HEMK2: variants seen among roughly 807,000 people sequenced by gnomAD.
The protein encoded by HEMK2 is HemK methyltransferase 2, ETF1 glutamine and histone H4 lysine.
the HEMK2 span, among the ~76,000 whole-genome samples, chr21:28,838,972 A>ATATATATATATATATAT: frequency 3.4e-5 from 1 of 29,158 alleles, no homozygotes; most frequent in Non-Finnish European, 5.6e-5. Context: ...AAAAAAAAAA[A>ATATATATATATATATAT]ATATATATAT....
chr21:28,835,453 C>T, the HEMK2 span, among the ~76,000 whole-genome samples: 1 of 152,174 alleles, frequency 6.6e-6, no homozygotes, highest in Non-Finnish European at 1.5e-5. Context: ...GAGAGTACTA[C>T]ATCAAGGGAA....
chr21:28,662,447 G>A, the HEMK2 span, among the ~76,000 whole-genome samples: 1 of 152,120 alleles, frequency 6.6e-6, no homozygotes, highest in African/African-American at 2.4e-5. Context: ...TCAGAGTCCA[G>A]GTCCAGGCAC....
chr21:28,862,677 C>T, the HEMK2 span, among the ~76,000 whole-genome samples: 1 of 152,086 alleles, frequency 6.6e-6, no homozygotes, highest in Non-Finnish European at 1.5e-5. Flanking sequence ...TCATCAGTAC[C>T]AGCTACGACC....
chr21:28,625,600 A>G, the HEMK2 span, among the ~76,000 whole-genome samples: 2 of 151,952 alleles, frequency 1.3e-5, no homozygotes, highest in African/African-American at 4.8e-5. Context: ...AATCTCAGCT[A>G]CTCCAGAGGC....
the HEMK2 span, among the ~76,000 whole-genome samples, chr21:28,665,924 T>A: frequency 0.18 from 27,946 of 151,798 alleles, 2,775 homozygotes; most frequent in East Asian, 0.38. Context: ...GTCCATTTTT[T>A]AAAAAAAATA....
the HEMK2 span, among the ~76,000 whole-genome samples, chr21:28,832,465 T>A: frequency 2.0e-5 from 3 of 152,226 alleles, no homozygotes; most frequent in Non-Finnish European, 4.4e-5. Context: ...TTGAAATACT[T>A]TAACTCTTTT....
the HEMK2 span, among the ~76,000 whole-genome samples, chr21:28,878,496 T>G: frequency 6.6e-6 from 1 of 152,254 alleles, no homozygotes; most frequent in African/African-American, 2.4e-5. Context: ...TTTTCTAGTG[T>G]GTAACCTTGG....
the HEMK2 span, among the ~76,000 whole-genome samples, chr21:28,824,005 T>C: frequency 1.3e-5 from 2 of 152,148 alleles, no homozygotes; most frequent in Admixed American, 1.3e-4. Context: ...GGGGCTAAAT[T>C]TGCATTTTTT....
chr21:28,818,831 T>G, the HEMK2 span, among the ~76,000 whole-genome samples: 1 of 152,204 alleles, frequency 6.6e-6, no homozygotes, highest in Non-Finnish European at 1.5e-5. Context: ...CCCCAAATCA[T>G]GTCGGATCAT....
At chr21:28,838,822 C>T in the HEMK2 span, among the ~76,000 whole-genome samples, 5 of 149,406 alleles carry the variant, frequency 3.3e-5, no homozygotes, top group Non-Finnish European at 4.5e-5. Context: ...GCCTGTAATC[C>T]CAGCTACTCG....
At chr21:28,596,427 A>G in the HEMK2 span, among the ~76,000 whole-genome samples, 1 of 152,324 alleles carries the variant, frequency 6.6e-6, no homozygotes, top group African/African-American at 2.4e-5. Flanking sequence ...TAACACATAC[A>G]CTAAATCCCT....
chr21:28,578,141 A>G, the HEMK2 span, among the ~76,000 whole-genome samples: 1 of 152,214 alleles, frequency 6.6e-6, no homozygotes, highest in South Asian at 2.1e-4. Flanking sequence ...GCCATTTTGA[A>G]AAATCTTTCA....
chr21:28,685,997 A>AT, the HEMK2 span, among the ~76,000 whole-genome samples: 2 of 152,126 alleles, frequency 1.3e-5, no homozygotes, highest in Non-Finnish European at 2.9e-5. Context: ...TCAGGCAAGC[A>AT]TTTTATATGT....
the HEMK2 span, among the ~76,000 whole-genome samples, chr21:28,586,805 A>G: frequency 1 from 152,322 of 152,322 alleles, 76,161 homozygotes; most frequent in Non-Finnish European, 1. Flanking sequence ...CTGGTTCATA[A>G]CATTGTGTCT....
chr21:28,874,970 T>C, the HEMK2 span: 1 of 152,258 alleles, frequency 6.6e-6, no homozygotes, highest in East Asian at 1.9e-4. Context: ...AGGTGAGATG[T>C]AGTGCTGCAG....
chr21:28,829,416 G>A, the HEMK2 span, among the ~76,000 whole-genome samples: 19 of 152,104 alleles, frequency 1.2e-4, no homozygotes, highest in African/African-American at 4.3e-4. Context: ...TGTGGAAGTA[G>A]GTTCCTTATA....
chr21:28,804,778 G>A, the HEMK2 span, among the ~76,000 whole-genome samples: 1 of 152,202 alleles, frequency 6.6e-6, no homozygotes, highest in African/African-American at 2.4e-5. Context: ...CACATGGCAT[G>A]TGCACATTTC....
chr21:28,814,699 T>C, the HEMK2 span, among the ~76,000 whole-genome samples: 1 of 152,062 alleles, frequency 6.6e-6, no homozygotes, highest in Non-Finnish European at 1.5e-5. Flanking sequence ...TCACACCAGT[T>C]AGAATGGCTA....
chr21:28,819,286 T>C, the HEMK2 span, among the ~76,000 whole-genome samples: 1 of 144,340 alleles, frequency 6.9e-6, no homozygotes, highest in East Asian at 2.0e-4. Flanking sequence ...TGCAGTTTAT[T>C]AGCTCAAAAA....
Sources: allele counts gnomAD v4.1 joint callset (sites outside exome capture counted in the v4.1 genomes callset), GRCh38; gene constraint gnomAD v4.1.1; transcripts MANE v1.5; gene names NCBI Gene and HGNC (gene_info 2026-07-23, HGNC 2026-07-21).